Variants in OR2G6 observed in about 807,000 individuals in gnomAD.
OR2G6 encodes olfactory receptor 2G6.
For missense variants in OR2G6, 457 were observed against 391.3 expected, an observed-to-expected ratio of 1.17 and a Z score of -1.42; for synonymous variants, 183 against 155.2, an observed-to-expected ratio of 1.18 and a Z score of -1.33.
chr1:248,522,715 AAAG>A lies in OR2G6; in HGVS notation c.*122_*124del, dbSNP rs1370998098. The A allele has an allele frequency of 5.9e-6, 4 of 681,064 alleles. 1 individual carries two copies. Among genetic ancestry groups the A allele is most frequent in the Middle Eastern group, 6.9e-4 (2 of 2,882 alleles). 42.2% of individuals were successfully genotyped at this position (681,064 alleles called of 1,614,324 possible). The stretch of plus-strand genomic sequence containing the variant: ...AGGGACTAGGAAGCATTGGAATTCT[AAAG>A]AAGGGAAACACCTCAAGGCAGCGTG... On this transcript the variant is annotated 3_prime_UTR_variant, in exon 2 of 2. Coordinates refer to ENST00000641804, the MANE Select transcript of OR2G6 (RefSeq NM_001013355.2).
rs758478274 is a variant in OR2G6, at chr1:248,522,438, T to C, written c.792T>C (p.Asn264=). 7.4e-6 allele frequency: 12 copies of C among 1,614,124 alleles called. No homozygotes were observed. Among genetic ancestry groups the C allele is most frequent in the South Asian group, 1.1e-5 (1 of 91,080 alleles). Residue 264 remains asparagine, a synonymous_variant, in exon 2 of 2, where the codon AAT becomes AAC. Transcript: ENST00000641804. ...TATTCATGTACCTTCAACCGGCCAA[T>C]AGGAGATCCAAAAACCAGGGAAAGT... ...TIIFMYLQPA[N]RRSKNQGKFV... is the part of the protein sequence containing the mutation.
intron 1 of OR2G6, 36 bp from the exon 2 acceptor site, chr1:248,521,575 C>T: frequency 9.3e-7 from 1 of 1,071,890 alleles, no homozygotes. Flanking sequence ...CATTCTTGAC[C>T]TCATTACTTT....
At position 248,522,344 on chromosome 1, in the gene OR2G6, G is replaced by T. The variant is rs376461000; in HGVS notation, c.698G>T (p.Gly233Val). The T allele has an allele frequency of 2.5e-6, 4 of 1,614,038 alleles. No homozygotes were observed. In the African/African-American group the frequency reaches 4.0e-5, roughly 16 times the overall value. The part of the protein sequence containing the change: ...QAVLRIKSAA[G>V]RQKAFGTCSS... ...GTGTTAAGGATAAAATCAGCTGCGG[G>T]CCGCCAAAAGGCCTTTGGGACCTGT... The change falls in exon 2 of 2, where the codon GGC becomes GTC. Residue 233 changes from glycine to valine, a missense_variant. Physicochemically the swap from Gly to Val is moderately radical, Grantham distance 109 (BLOSUM62 -3). Transcript: ENST00000641804.
chr1:248,521,040 TAAAAAAAA>T (rs56891856), intron 1 of OR2G6, among the ~76,000 whole-genome samples: 47 of 83,944 alleles, frequency 5.6e-4, no homozygotes, highest in African/African-American at 1.9e-3. Flanking sequence ...AGATTCCATC[TAAAAAAAA>T]AAAAAAAAAA....
At position 248,524,392 on chromosome 1, in the gene OR2G6, A is replaced by G. The variant is rs186554324; in HGVS notation, c.*1795A>G. On this transcript the variant is annotated 3_prime_UTR_variant, in exon 2 of 2. Coordinates refer to ENST00000641804, the MANE Select transcript of OR2G6 (RefSeq NM_001013355.2). The stretch of plus-strand genomic sequence containing the variant: ...TTTTCCTCCTCCAGTAATGGAGAGG[A>G]GAGTTGGGAACTGAGCAGAACATGC... 2.6e-5 allele frequency: 4 copies of G among 152,346 alleles called. No individual in the cohort carries two copies. The highest frequency in any genetic ancestry group is 1.3e-4 in the Admixed American group (2 of 15,302). 9.4% of individuals were successfully genotyped at this position (152,346 alleles called of 1,614,324 possible).
At position 248,521,939 on chromosome 1, in the gene OR2G6, T is replaced by A. The variant is rs192509496; in HGVS notation, c.293T>A (p.Val98Glu). Residue 98 changes from valine to glutamate, a missense_variant, in exon 2 of 2, where the codon GTG (valine) becomes GAG (glutamate). By Grantham distance (121) the Val-to-Glu change is moderately radical (BLOSUM62 -2). Coordinates refer to ENST00000641804, the MANE Select transcript of OR2G6 (RefSeq NM_001013355.2). ...AAAACCATGAGCTACGGTGGCTGTG[T>A]GGCCCAGCTCTATGTGGCCATGGGG... ...KDKTMSYGGC[V>E]AQLYVAMGLG... The A allele has an allele frequency of 3.5e-5, 57 of 1,614,194 alleles. No individual in the cohort carries two copies. The East Asian group carries it at 1.1e-3, about 30-fold the overall frequency.
chr1:248,521,675 A>C lies in OR2G6; in HGVS notation c.29A>C (p.Lys10Thr), dbSNP rs144451980. 2.5e-6 allele frequency: 4 copies of C among 1,613,870 alleles called. No individual in the cohort carries two copies. In the South Asian group the frequency reaches 3.3e-5, roughly 13 times the overall value. The change falls in exon 2 of 2, where the codon AAG becomes ACG. Residue 10 changes from lysine to threonine, a missense_variant. Physicochemically the swap from Lys to Thr is moderately conservative, Grantham distance 78. Transcript: ENST00000641804. MEETNNSSE[K>T]GFLLLGFSDQ... ...GAGGAAACCAACAACAGCTCTGAAA[A>C]GGGATTTCTTCTCCTGGGATTTTCA...
In OR2G6 at chr1:248,508,977, C is replaced by T. The variant is rs1361193304; in HGVS notation, c.-37+548C>T. The stretch of plus-strand genomic sequence containing the variant: ...AAAACATTTTAAGTTTTATTGAGAT[C>T]GTTTGTCATGTCTAAATTTGTTCAT... On this transcript the variant is annotated intron_variant, in intron 1 of 1. Transcript: ENST00000641804. 8.2e-5 allele frequency among the ~76,000 whole-genome samples: 10 copies of T among 122,530 alleles called. 1 individual carries two copies. The highest frequency in any genetic ancestry group is 1.3e-4 in the Non-Finnish European group (8 of 61,452). The allele number at this position is 122,530 out of a possible 152,430, so 80.4% of individuals were successfully genotyped here.
In OR2G6 at chr1:248,522,195, G is replaced by A; in HGVS notation, c.549G>A (p.Val183=). 1 of 1,614,128 alleles carries A rather than the reference G, an allele frequency of 6.2e-7. No homozygotes were observed. The highest frequency in any genetic ancestry group is 8.5e-7 in the Non-Finnish European group (1 of 1,180,014). The change falls in exon 2 of 2, where the codon GTG becomes GTA. Residue 183 remains valine, a synonymous_variant. Transcript: ENST00000641804. ...ATCATATTTTCTGTGAGGTGCCAGT[G>A]CTCATCAAACTGGCCTGTGTGGATA... ...TLDHIFCEVP[V]LIKLACVDTT... is the part of the protein sequence containing the mutation.
In OR2G6 at chr1:248,522,484, A is replaced by G; in HGVS notation, c.838A>G (p.Ile280Val). 1 of 1,613,726 alleles carries G rather than the reference A, an allele frequency of 6.2e-7. No individual in the cohort carries two copies. Among genetic ancestry groups the G allele is most frequent in the African/African-American group, 1.3e-5 (1 of 74,870 alleles). ...QGKFVSLFYT[I>V]VTPLLNPIIY... Reference sequence around the variant, plus strand: ...AAAGTTTGTTTCTCTTTTCTATACCATAGTCACCCCACTTTTAAACCCCAT... The same window carrying G: ...AAAGTTTGTTTCTCTTTTCTATACCGTAGTCACCCCACTTTTAAACCCCAT... The change falls in exon 2 of 2, where the codon ATA becomes GTA. Residue 280 changes from isoleucine (I) to valine (V), a missense_variant. Transcript: ENST00000641804.
At position 248,525,334 on chromosome 1, in the gene OR2G6, T is replaced by TG. The variant is rs1211541280; in HGVS notation, c.*2737_*2738insG. On this transcript the variant is annotated 3_prime_UTR_variant, in exon 2 of 2. Transcript: ENST00000641804. ...TCAAAGGATGCGCCAAGAAAAAAAC[T>TG]ATCACTTAGTTAAATGACCATTCAG... 1.3e-5 allele frequency: 2 copies of TG among 152,162 alleles called. No homozygotes were observed. Among genetic ancestry groups the TG allele is most frequent in the African/African-American group, 4.8e-5 (2 of 41,434 alleles). 9.4% of individuals were successfully genotyped at this position (152,162 alleles called of 1,614,324 possible).
At position 248,509,031 on chromosome 1, in the gene OR2G6, C is replaced by T. The variant is rs758407807; in HGVS notation, c.-37+602C>T. ...AATATATCCTGAGCTTAGTTCAGTG[C>T]CTGGCTCATGATAAATTTTATTTAT... On this transcript the variant is annotated intron_variant, in intron 1 of 1. Coordinates refer to ENST00000641804, the MANE Select transcript of OR2G6 (RefSeq NM_001013355.2). Among the ~76,000 whole-genome samples the T allele has an allele frequency of 2.9e-3, 243 of 85,234 alleles. 16 individuals carry two copies. Among genetic ancestry groups the T allele is most frequent in the African/African-American group, 7.3e-3 (123 of 16,936 alleles). The allele number at this position is 85,234 out of a possible 152,430, so 55.9% of individuals were successfully genotyped here. A position where few individuals can be genotyped will look rare whatever the true frequency, so the allele number is the denominator to read the frequency against.
rs755174993 is a variant in OR2G6, at chr1:248,521,611, T to C, written c.-36T>C. The C allele has an allele frequency of 7.1e-7, 1 of 1,410,228 alleles. No individual in the cohort carries two copies. Among genetic ancestry groups the C allele is most frequent in the Non-Finnish European group, 9.9e-7 (1 of 1,010,818 alleles). 87.4% of individuals were successfully genotyped at this position (1,410,228 alleles called of 1,614,324 possible). A position where few individuals can be genotyped will look rare whatever the true frequency, so the allele number is the denominator to read the frequency against. On this transcript the variant is annotated splice_region_variant and 5_prime_UTR_variant, in exon 2 of 2. Transcript: ENST00000641804. ...CTATCCCCAAATATTAATCACTTAG[T>C]ATTTGAAGCTGAAGAGTCCTGAAGC...
Position 248,524,203 on chromosome 1 carries a change from T to A in OR2G6, c.*1606T>A, listed in dbSNP as rs1445661983. 2 of 152,216 alleles carry A rather than the reference T, an allele frequency of 1.3e-5. No homozygotes were observed. Among genetic ancestry groups the A allele is most frequent in the African/African-American group, 4.8e-5 (2 of 41,444 alleles). The allele number at this position is 152,216 out of a possible 1,614,324, so 9.4% of individuals were successfully genotyped here. ...CTGCGCACACAAGAACAAAAAGGCA[T>A]CAGGAGAATTCACTAATGACTCAGG... On this transcript the variant is annotated 3_prime_UTR_variant, in exon 2 of 2. Coordinates refer to ENST00000641804, the MANE Select transcript of OR2G6 (RefSeq NM_001013355.2).
Position 248,522,740 on chromosome 1 carries a change from C to T in OR2G6, c.*143C>T, listed in dbSNP as rs149393381. On this transcript the variant is annotated 3_prime_UTR_variant, in exon 2 of 2. Coordinates refer to ENST00000641804, the MANE Select transcript of OR2G6 (RefSeq NM_001013355.2). ...AAAGAAGGGAAACACCTCAAGGCAG[C>T]GTGAGGATTCATCCTCCCCAGACAT... The T allele has an allele frequency of 6.7e-3, 3,797 of 569,618 alleles. 125 individuals are homozygous for T. Among genetic ancestry groups the T allele is most frequent in the African/African-American group, 0.065 (3,236 of 50,020 alleles). 35.3% of individuals were successfully genotyped at this position (569,618 alleles called of 1,614,324 possible). A position where few individuals can be genotyped will look rare whatever the true frequency, so the allele number is the denominator to read the frequency against.
rs1275085549 is a variant in OR2G6, at chr1:248,526,759, G to A, written c.*4162G>A. The A allele has an allele frequency of 2.0e-5, 3 of 152,160 alleles. No homozygotes were observed. The highest frequency in any genetic ancestry group is 2.1e-4 in the South Asian group (1 of 4,824). 9.4% of individuals were successfully genotyped at this position (152,160 alleles called of 1,614,324 possible). A position where few individuals can be genotyped will look rare whatever the true frequency, so the allele number is the denominator to read the frequency against. ...TTTCTCTGATGGCCAGTGATAATGA[G>A]CATTTTTTCATGTGGCTGTGGGCTG... is the stretch of plus-strand genomic sequence containing the variant. On this transcript the variant is annotated 3_prime_UTR_variant, in exon 2 of 2. Transcript: ENST00000641804.
Position 248,521,919 on chromosome 1 carries a change from C to T in OR2G6, c.273C>T (p.Thr91=). The change falls in exon 2 of 2, where the codon ACC becomes ACT. Residue 91 remains threonine, a synonymous_variant. Coordinates refer to ENST00000641804, the MANE Select transcript of OR2G6 (RefSeq NM_001013355.2). ...TTACCATGAATAAGAAAGACAAAAC[C>T]ATGAGCTACGGTGGCTGTGTGGCCC... ...LLVTMNKKDK[T]MSYGGCVAQL... is the part of the protein sequence containing the mutation. 1 of 1,614,160 alleles carries T rather than the reference C, an allele frequency of 6.2e-7. No individual in the cohort carries two copies. The highest frequency in any genetic ancestry group is 8.5e-7 in the Non-Finnish European group (1 of 1,180,040).
chr1:248,525,162 T>C lies in OR2G6; in HGVS notation c.*2565T>C, dbSNP rs1213967872. 6.6e-6 allele frequency: 1 copy of C among 152,176 alleles called. No individual in the cohort carries two copies. The highest frequency in any genetic ancestry group is 6.5e-5 in the Admixed American group (1 of 15,268). 9.4% of individuals were successfully genotyped at this position (152,176 alleles called of 1,614,324 possible). On this transcript the variant is annotated 3_prime_UTR_variant, in exon 2 of 2. Transcript: ENST00000641804. The stretch of plus-strand genomic sequence containing the variant: ...AATAACATGAGTAGTTTCTCTTTTT[T>C]AAATACCTACATTGAGCATACTTTT...
Position 248,522,189 on chromosome 1 carries a change from G to A in OR2G6, c.543G>A (p.Val181=). The change falls in exon 2 of 2, where the codon GTG becomes GTA. Residue 181 remains valine, a synonymous_variant. Transcript: ENST00000641804. ...CACTGGATCATATTTTCTGTGAGGT[G>A]CCAGTGCTCATCAAACTGGCCTGTG... ...HRTLDHIFCE[V]PVLIKLACVD... is the part of the protein sequence containing the mutation. 1 of 1,614,162 alleles carries A rather than the reference G, an allele frequency of 6.2e-7. No homozygotes were observed. Among genetic ancestry groups the A allele is most frequent in the Non-Finnish European group, 8.5e-7 (1 of 1,180,020 alleles).
Sources: allele counts gnomAD v4.1 joint callset (sites outside exome capture counted in the v4.1 genomes callset), GRCh38; gene constraint gnomAD v4.1.1; transcripts MANE v1.5; gene names NCBI Gene and HGNC (gene_info 2026-07-23, HGNC 2026-07-21).